Variants in CNIH3 observed in about 807,000 individuals in gnomAD.
CNIH3 encodes cornichon family AMPA receptor auxiliary protein 3, also known as protein cornichon homolog 3.
In CNIH3, 14 loss-of-function variants were observed where a neutral mutation model predicts 24.1. The ratio of observed to expected loss-of-function variants is 0.58; its 90% CI spans 0.38 to 0.91. CNIH3 has a LOEUF of 0.91. Among genes scored for constraint, CNIH3 ranks in the 40% least tolerant of loss-of-function variants. CNIH3 has a pLI of 0.00. For synonymous variants in CNIH3, 68 were observed against 73.8 expected, an observed-to-expected ratio of 0.92 and a Z score of 0.40; for missense variants, 178 against 196.8, an observed-to-expected ratio of 0.90 and a Z score of 0.57.
At chr1:224,530,538 C>A (rs1375274363) in intron 2 of CNIH3, among the ~76,000 whole-genome samples, 1 of 152,154 alleles carries the variant, frequency 6.6e-6, no homozygotes, top group Non-Finnish European at 1.5e-5. Context: ...TGAGACACAT[C>A]CAAAACTACA....
At chr1:224,594,307 G>A (rs1219704022) in intron 3 of CNIH3, among the ~76,000 whole-genome samples, 2 of 152,242 alleles carry the variant, frequency 1.3e-5, no homozygotes, top group East Asian at 1.9e-4. Flanking sequence ...AGGGGCTGGA[G>A]CAGGTGTGGG....
chr1:224,691,102 T>C (rs540714794), intron 3 of CNIH3, among the ~76,000 whole-genome samples: 7 of 152,304 alleles, frequency 4.6e-5, no homozygotes, highest in Admixed American at 4.6e-4. Context: ...AATGAGGAGA[T>C]TGCATTATTA....
chr1:224,464,459 CT>C (rs1676072948), intron 1 of CNIH3, among the ~76,000 whole-genome samples: 1 of 152,126 alleles, frequency 6.6e-6, no homozygotes, highest in South Asian at 2.1e-4. Context: ...ATAGGTAATA[CT>C]TTTCCGTGCC....
chr1:224,715,357 G>T (rs1057028952), intron 3 of CNIH3, among the ~76,000 whole-genome samples: 1 of 151,990 alleles, frequency 6.6e-6, no homozygotes, highest in East Asian at 1.9e-4. Flanking sequence ...GTTGGTGACC[G>T]CAAGGACTGT....
At chr1:224,706,962 T>C (rs371410972) in intron 3 of CNIH3, among the ~76,000 whole-genome samples, 1,734 of 132,848 alleles carry the variant, frequency 0.013, 18 homozygotes, top group African/African-American at 0.047. Context: ...TTCTTTCTTT[T>C]TTTTTTTTTT....
At chr1:224,522,683 A>G (rs1678687931) in intron 2 of CNIH3, among the ~76,000 whole-genome samples, 1 of 152,218 alleles carries the variant, frequency 6.6e-6, no homozygotes, top group African/African-American at 2.4e-5. Flanking sequence ...CATCAGGGAC[A>G]TGCCTGGAAA....
intron 3 of CNIH3, among the ~76,000 whole-genome samples, chr1:224,693,600 C>T (rs1401461837): frequency 2.0e-5 from 3 of 152,182 alleles, no homozygotes; most frequent in Non-Finnish European, 2.9e-5. Context: ...GGCTTGTTCT[C>T]CTGGTGTAAC....
chr1:224,532,553 G>T (rs982550372), intron 2 of CNIH3, among the ~76,000 whole-genome samples: 1 of 152,214 alleles, frequency 6.6e-6, no homozygotes, highest in African/African-American at 2.4e-5. Flanking sequence ...GGCAGAAGTG[G>T]TTGTATTCTG....
intron 1 of CNIH3, among the ~76,000 whole-genome samples, chr1:224,644,606 T>A (rs1481762202): frequency 6.6e-6 from 1 of 152,224 alleles, no homozygotes; most frequent in Non-Finnish European, 1.5e-5. Flanking sequence ...TACCTTTAGC[T>A]TTGTTTTCAT....
At position 224,501,229 on chromosome 1, in the gene CNIH3, G is replaced by A. The variant is rs60976873; in HGVS notation, n.204-14512G>A. Among the ~76,000 whole-genome samples, 1,283 of 152,184 alleles carry A rather than the reference G, an allele frequency of 8.4e-3. 16 individuals are homozygous for A. The highest frequency in any genetic ancestry group is 0.029 in the African/African-American group (1,197 of 41,504). ...GAACAGAAAGACACTTGAGGTAGGC[G>A]GAGTCATACTTTGTTCATTGTAGGG... On this transcript the variant is annotated intron_variant and non_coding_transcript_variant, in intron 1 of 5. Transcript: ENST00000471578.
In CNIH3 at chr1:224,434,844, C is replaced by T. The variant is rs538623077; in HGVS notation, n.185C>T. ...CAGGAAATGCCTATACTGCCCTCCTCACTCACTTCCGGTGGCAGGTATGGA... is the reference window on the plus strand; with the variant it reads ...CAGGAAATGCCTATACTGCCCTCCTTACTCACTTCCGGTGGCAGGTATGGA... On this transcript the variant is annotated non_coding_transcript_exon_variant, in exon 1 of 6. Coordinates refer to the CNIH3 transcript ENST00000471578. 2.7e-5 allele frequency: 27 copies of T among 985,582 alleles called. No individual in the cohort carries two copies. The African/African-American group carries it at 4.2e-4, about 15-fold the overall frequency. 61.1% of individuals were successfully genotyped at this position (985,582 alleles called of 1,614,324 possible).
chr1:224,585,599 C>A (rs952207517), intron 5 of CNIH3, among the ~76,000 whole-genome samples: 1 of 152,046 alleles, frequency 6.6e-6, no homozygotes, highest in Non-Finnish European at 1.5e-5. Context: ...CTGCCTCAAC[C>A]TCCCAAGTAG....
intron 3 of CNIH3, among the ~76,000 whole-genome samples, chr1:224,548,470 CTAATA>C (rs1331971331): frequency 1.3e-5 from 2 of 150,316 alleles, no homozygotes; most frequent in Non-Finnish European, 3.0e-5. Flanking sequence ...GATGTCACTC[CTAATA>C]TAACAGTGGG....
intron 1 of CNIH3, among the ~76,000 whole-genome samples, chr1:224,500,640 T>G (rs1677616653): frequency 6.6e-6 from 1 of 151,082 alleles, no homozygotes; most frequent in Non-Finnish European, 1.5e-5. Flanking sequence ...GCCACTGCAC[T>G]CCAACCTGCT....
At chr1:224,716,898 C>T (rs1572796398) in intron 3 of CNIH3, among the ~76,000 whole-genome samples, 1 of 152,214 alleles carries the variant, frequency 6.6e-6, no homozygotes, top group Admixed American at 6.5e-5. Context: ...CAGGCCCCTT[C>T]AGAACACCCA....
intron 1 of CNIH3, among the ~76,000 whole-genome samples, chr1:224,451,836 T>G (rs1223479312): frequency 1.3e-5 from 2 of 152,198 alleles, no homozygotes; most frequent in Non-Finnish European, 2.9e-5. Flanking sequence ...CGATGACTTC[T>G]TTTAAGCTAA....
chr1:224,736,723 C>T (rs1689609409), intron 5 of CNIH3, among the ~76,000 whole-genome samples: 1 of 152,182 alleles, frequency 6.6e-6, no homozygotes, highest in Admixed American at 6.5e-5. Flanking sequence ...CTGCAGGGAG[C>T]CTGACGGTCT....
chr1:224,625,513 G>A (rs570205350), intron 1 of CNIH3, among the ~76,000 whole-genome samples: 2 of 152,224 alleles, frequency 1.3e-5, no homozygotes, highest in African/African-American at 4.8e-5. Context: ...CTGAGATGGC[G>A]CCACTGCACT....
chr1:224,718,776 T>C (rs1688564078), intron 3 of CNIH3, among the ~76,000 whole-genome samples: 2 of 152,090 alleles, frequency 1.3e-5, no homozygotes, highest in South Asian at 2.1e-4. Context: ...CTGGGACTCG[T>C]GGCAGTTTGT....
Sources: allele counts gnomAD v4.1 joint callset (sites outside exome capture counted in the v4.1 genomes callset), GRCh38; gene constraint gnomAD v4.1.1; transcripts MANE v1.5; gene names NCBI Gene and HGNC (gene_info 2026-07-23, HGNC 2026-07-21).